The following NDUFS4 variants were observed in gnomAD, a reference collection of about 807,000 sequenced individuals.
NDUFS4 encodes the protein NADH dehydrogenase [ubiquinone] iron-sulfur protein 4, mitochondrial.
Under a neutral mutation model 24.3 loss-of-function variants are expected in NDUFS4, and 28 were observed. The ratio of observed to expected loss-of-function variants is 1.15; its 90% CI spans 0.85 to 1.58. The LOEUF (loss-of-function observed/expected upper bound fraction) is 1.58, where lower values mean the gene tolerates loss of function less well. Among genes scored for constraint, NDUFS4 ranks in the 40% most tolerant of loss-of-function variants. The probability of loss-of-function intolerance (pLI) is 0.00; values close to 1 mark genes in which losing one functional copy is unlikely to be tolerated. For synonymous variants in NDUFS4, 93 were observed against 69.7 expected (o/e 1.34, Z -1.67); for missense variants, 223 against 207.9 (o/e 1.07, Z -0.45).
In NDUFS4 at chr5:53,676,840, G is replaced by A. The variant is rs200821062; in HGVS notation, c.425-6278G>A. Reference sequence around the variant, plus strand: ...ACAAATAAACTTTACGTGAATTCATGAAAGATTTTTTTTTTCATAGATAGC... The same window carrying A: ...ACAAATAAACTTTACGTGAATTCATAAAAGATTTTTTTTTTCATAGATAGC... On this transcript the variant is annotated intron_variant, in intron 4 of 4. Coordinates refer to ENST00000296684, the MANE Select transcript of NDUFS4 (RefSeq NM_002495.4). 1.0e-3 allele frequency among the ~76,000 whole-genome samples: 156 copies of A among 150,384 alleles called. No individual in the cohort carries two copies. In the East Asian group the frequency reaches 0.024, roughly 23 times the overall value.
intron 3 of NDUFS4, among the ~76,000 whole-genome samples, chr5:53,658,032 A>T (rs372323562): frequency 9.8e-4 from 150 of 152,306 alleles, no homozygotes; most frequent in African/African-American, 3.5e-3. Context: ...GAAGAATTCA[A>T]TTGGATGTCA....
chr5:53,611,989 CA>C (rs1750712191), intron 2 of NDUFS4, among the ~76,000 whole-genome samples: 1 of 152,024 alleles, frequency 6.6e-6, no homozygotes, highest in African/African-American at 2.4e-5. Context: ...GCTTTCTGAT[CA>C]TTTTTTTAGC....
chr5:53,643,739 T>A (rs1579911732), intron 2 of NDUFS4, among the ~76,000 whole-genome samples: 1 of 152,120 alleles, frequency 6.6e-6, no homozygotes. Flanking sequence ...TCTGTACCCT[T>A]TAGGTGTCAA....
intron 3 of NDUFS4, among the ~76,000 whole-genome samples, chr5:53,654,656 A>G (rs1206851704): frequency 6.6e-6 from 1 of 152,126 alleles, no homozygotes; most frequent in Non-Finnish European, 1.5e-5. Flanking sequence ...TGATACTTAA[A>G]CTAAAAAATA....
chr5:53,564,704 G>C (rs1748964033), intron 1 of NDUFS4, among the ~76,000 whole-genome samples: 1 of 152,094 alleles, frequency 6.6e-6, no homozygotes, highest in African/African-American at 2.4e-5. Context: ...ACCACGCCCA[G>C]CTAATTTTTG....
At chr5:53,584,206 A>G (rs1017508101) in intron 1 of NDUFS4, among the ~76,000 whole-genome samples, 2 of 152,242 alleles carry the variant, frequency 1.3e-5, no homozygotes, top group Non-Finnish European at 2.9e-5. Context: ...CTCGCAATAA[A>G]CTATAAAATC....
chr5:53,598,831 G>T (rs1750217204), intron 1 of NDUFS4, among the ~76,000 whole-genome samples: 1 of 152,112 alleles, frequency 6.6e-6, no homozygotes, highest in Non-Finnish European at 1.5e-5. Flanking sequence ...CAGAAAAACA[G>T]AATAAATGGC....
chr5:53,600,274 C>G (rs1750269855), intron 1 of NDUFS4, among the ~76,000 whole-genome samples: 1 of 151,660 alleles, frequency 6.6e-6, no homozygotes, highest in Non-Finnish European at 1.5e-5. Flanking sequence ...GCTGGGATTA[C>G]AGGTGTGAGC....
At chr5:53,592,474 A>G (rs1750003502) in intron 1 of NDUFS4, among the ~76,000 whole-genome samples, 1 of 152,130 alleles carries the variant, frequency 6.6e-6, no homozygotes, top group African/African-American at 2.4e-5. Flanking sequence ...TACCAAACCC[A>G]AGGTCACCTA....
chr5:53,601,003 A>ATTT (rs3084744), intron 1 of NDUFS4, among the ~76,000 whole-genome samples: 2 of 130,704 alleles, frequency 1.5e-5, no homozygotes, highest in Admixed American at 8.0e-5. Flanking sequence ...TTTATAATAA[A>ATTT]TTTTTTTTTT....
Position 53,560,690 on chromosome 5 carries a change from C to G in NDUFS4, c.28C>G (p.Leu10Val), listed in dbSNP as rs752987035. Residue 10 changes from leucine to valine, a missense_variant, in exon 1 of 5, where the codon CTG becomes GTG. Coordinates refer to ENST00000296684, the MANE Select transcript of NDUFS4 (RefSeq NM_002495.4). ...GGCGGCGGTGTCAATGTCAGTGGTA[C>G]TGAGGCAGACGTTGTGGCGGAGAAG... MAAVSMSVV[L>V]RQTLWRRRAV... 2 of 1,614,266 alleles carry G rather than the reference C, an allele frequency of 1.2e-6. No individual in the cohort carries two copies. The highest frequency in any genetic ancestry group is 1.1e-5 in the South Asian group (1 of 91,086).
intron 2 of NDUFS4, among the ~76,000 whole-genome samples, chr5:53,632,356 C>G (rs1184987239): frequency 6.6e-6 from 1 of 152,168 alleles, no homozygotes; most frequent in Admixed American, 6.6e-5. Context: ...AGTTGCTCTT[C>G]TTCTTACGTT....
intron 4 of NDUFS4, among the ~76,000 whole-genome samples, chr5:53,677,898 AGAC>A (rs1667349025): frequency 6.6e-6 from 1 of 152,228 alleles, no homozygotes; most frequent in Admixed American, 6.5e-5. Flanking sequence ...TTATTAGAGA[AGAC>A]AGACCTTTCA....
intron 3 of NDUFS4, among the ~76,000 whole-genome samples, chr5:53,653,731 A>G (rs991804816): frequency 1.3e-5 from 2 of 152,056 alleles, no homozygotes; most frequent in African/African-American, 2.4e-5. Flanking sequence ...CAGTGTATGT[A>G]TATGCATATA....
intron 1 of NDUFS4, among the ~76,000 whole-genome samples, chr5:53,574,962 A>G (rs1749335477): frequency 6.6e-6 from 1 of 152,176 alleles, no homozygotes; most frequent in Non-Finnish European, 1.5e-5. Flanking sequence ...CCTTTTCAGA[A>G]CCACAGCTCC....
rs551664809 is a variant in NDUFS4, at chr5:53,612,915, C to T, written c.177+9385C>T. ...CAAGTCTTCGAAAATAAAACAACTACGTTTGCTGTACAAGTATTTGTTGGT... is the reference window on the plus strand; with the variant it reads ...CAAGTCTTCGAAAATAAAACAACTATGTTTGCTGTACAAGTATTTGTTGGT... On this transcript the variant is annotated intron_variant, in intron 2 of 4. Coordinates refer to ENST00000296684, the MANE Select transcript of NDUFS4 (RefSeq NM_002495.4). 8.7e-4 allele frequency among the ~76,000 whole-genome samples: 132 copies of T among 152,124 alleles called. 1 individual carries two copies. The South Asian group carries it at 0.011, about 13-fold the overall frequency.
chr5:53,639,085 C>G (rs417550), intron 2 of NDUFS4, among the ~76,000 whole-genome samples: 31,017 of 147,548 alleles, frequency 0.21, 3,698 homozygotes, highest in East Asian at 0.47. Context: ...TTAATTTACT[C>G]TCTTTTTTCC....
At chr5:53,577,854 G>A (rs1310571193) in intron 1 of NDUFS4, among the ~76,000 whole-genome samples, 5 of 152,154 alleles carry the variant, frequency 3.3e-5, no homozygotes, top group South Asian at 2.1e-4. Flanking sequence ...TAGTTGACCC[G>A]GGATTGTGTA....
intron 4 of NDUFS4, among the ~76,000 whole-genome samples, chr5:53,682,179 T>C (rs1175893203): frequency 1.3e-5 from 2 of 152,122 alleles, no homozygotes; most frequent in Non-Finnish European, 2.9e-5. Flanking sequence ...AATAAAAGAA[T>C]GACTTAATTA....
Sources: allele counts gnomAD v4.1 joint callset (sites outside exome capture counted in the v4.1 genomes callset), GRCh38; gene constraint gnomAD v4.1.1; transcripts MANE v1.5; gene names NCBI Gene and HGNC (gene_info 2026-07-23, HGNC 2026-07-21).